ATG7: variants seen among roughly 807,000 people sequenced by gnomAD.
ATG7 encodes the protein autophagy related 7.
In ATG7, 70 loss-of-function variants were observed where a neutral mutation model predicts 82.4. The observed-to-expected ratio is 0.85, with a 90% CI of 0.70 to 1.04. ATG7 has a LOEUF of 1.04. Among genes scored for constraint, ATG7 ranks in the 50% least tolerant of loss-of-function variants. The pLI is 0.00. For synonymous variants in ATG7, 287 were observed against 313.0 expected (o/e 0.92, Z 0.88); for missense variants, 792 against 864.3 (o/e 0.92, Z 1.05).
intron 20 of ATG7, among the ~76,000 whole-genome samples, chr3:11,528,133 TTC>T (rs1196417376): frequency 6.6e-6 from 1 of 152,224 alleles, no homozygotes; most frequent in Non-Finnish European, 1.5e-5. Context: ...TGAAGTAAAG[TTC>T]TGTTTACTCT....
intron 20 of ATG7, among the ~76,000 whole-genome samples, chr3:11,527,123 G>T (rs1242935622): frequency 2.0e-5 from 3 of 147,874 alleles, no homozygotes; most frequent in African/African-American, 7.4e-5. Context: ...ACATTTTTTT[G>T]AGGTGGAGTC....
At chr3:11,440,044 G>A (rs2083735356) in intron 20 of ATG7, among the ~76,000 whole-genome samples, 1 of 152,160 alleles carries the variant, frequency 6.6e-6, no homozygotes, top group Non-Finnish European at 1.5e-5. Flanking sequence ...GTGATGCAGA[G>A]GCATTCTGCT....
chr3:11,523,378 A>C (rs1192960257), intron 20 of ATG7, among the ~76,000 whole-genome samples: 1 of 152,268 alleles, frequency 6.6e-6, no homozygotes, highest in Non-Finnish European at 1.5e-5. Context: ...CATACGGGGT[A>C]CATCTATCTG....
chr3:11,397,253 T>G (rs1228440188), intron 19 of ATG7, among the ~76,000 whole-genome samples: 1 of 152,130 alleles, frequency 6.6e-6, no homozygotes, highest in African/African-American at 2.4e-5. Flanking sequence ...AAAAATCAGT[T>G]GAAAATAAAC....
At chr3:11,564,720 T>C in the ATG7 span, 11 of 1,354,342 alleles carry the variant, frequency 8.1e-6, no homozygotes, top group Non-Finnish European at 1.1e-5. Flanking sequence ...CTCGGAGTCC[T>C]CTGCTCGGGG....
chr3:11,573,200 G>A, the ATG7 span, among the ~76,000 whole-genome samples: 1 of 148,506 alleles, frequency 6.7e-6, no homozygotes. Context: ...CAGAAAGAAA[G>A]AAAAGAAGAG....
chr3:11,529,335 G>A (rs781096923), intron 20 of ATG7, among the ~76,000 whole-genome samples: 3 of 152,180 alleles, frequency 2.0e-5, no homozygotes, highest in African/African-American at 4.8e-5. Flanking sequence ...TTTAGGAACC[G>A]TAACACAAGA....
At chr3:11,558,733 G>A, downstream of ATG7, 3 of 1,614,182 alleles carry the variant, frequency 1.9e-6, no homozygotes, top group Non-Finnish European at 1.7e-6. Flanking sequence ...AGCCCGTGAT[G>A]GACACGGAGT....
In ATG7 at chr3:11,433,315, A is replaced by T. The variant is rs868112867; in HGVS notation, c.2079+6389A>T. On this transcript the variant is annotated intron_variant, in intron 20 of 20. Transcript: ENST00000693202. Reference sequence around the variant, plus strand: ...AAAAAAAAAAAAAAAAAAAAAAAAAAGCTGCGTTTGTTGAAGAAATGCTCA... The same window carrying T: ...AAAAAAAAAAAAAAAAAAAAAAAAATGCTGCGTTTGTTGAAGAAATGCTCA... 5.1e-5 allele frequency among the ~76,000 whole-genome samples: 7 copies of T among 137,994 alleles called. No individual in the cohort carries two copies. The South Asian group carries it at 1.2e-3, about 24-fold the overall frequency. The allele number at this position is 137,994 out of a possible 152,430, so 90.5% of individuals were successfully genotyped here.
In ATG7 at chr3:11,471,745, CTTT is replaced by C. The variant is rs200590021; in HGVS notation, c.2079+44833_2079+44835del. On this transcript the variant is annotated intron_variant, in intron 20 of 20. Transcript: ENST00000693202. ...CTTCATAGATTGGCTTTTTAGATTT[CTTT>C]TTTTTTTTTTTTTGAAATGTAGTCT... Among the ~76,000 whole-genome samples, 685 of 105,686 alleles carry C rather than the reference CTTT, an allele frequency of 6.5e-3. 14 individuals are homozygous for C. The highest frequency in any genetic ancestry group is 0.024 in the African/African-American group (644 of 26,576). 69.3% of individuals were successfully genotyped at this position (105,686 alleles called of 152,430 possible).
chr3:11,375,658 C>T (rs1023635256), intron 18 of ATG7, among the ~76,000 whole-genome samples: 2 of 152,234 alleles, frequency 1.3e-5, no homozygotes. Context: ...CTTCCGGTTT[C>T]AAGCAATTCT....
intron 1 of ATG7, among the ~76,000 whole-genome samples, chr3:11,277,896 C>A (rs994358996): frequency 3.1e-5 from 4 of 128,212 alleles, no homozygotes; most frequent in East Asian, 2.7e-4. Flanking sequence ...TATAGACCCC[C>A]CCCCCCCCAC....
At chr3:11,512,733 A>G (rs907681738) in intron 20 of ATG7, among the ~76,000 whole-genome samples, 2 of 152,192 alleles carry the variant, frequency 1.3e-5, no homozygotes, top group African/African-American at 4.8e-5. Flanking sequence ...ATTTATTGCA[A>G]AGAGCTAAAG....
chr3:11,572,941 G>A, the ATG7 span, among the ~76,000 whole-genome samples: 1 of 152,056 alleles, frequency 6.6e-6, no homozygotes, highest in African/African-American at 2.4e-5. Flanking sequence ...GCCGAGACAG[G>A]TGGATCACCT....
chr3:11,358,513 A>T lies in ATG7; in HGVS notation c.1380A>T (p.Gln460His). The T allele has an allele frequency of 6.2e-7, 1 of 1,614,136 alleles. No homozygotes were observed. The change falls in exon 15 of 21, where the codon CAA becomes CAT. Residue 460 changes from glutamine to histidine, a missense_variant. Coordinates refer to ENST00000693202, the MANE Select transcript of ATG7 (RefSeq NM_001349232.2). ...AGCAAGCCCGCAGAGATGTGGAGCA[A>T]CTGGAGCAGCTCATCGAAAGCCATG... Reference protein sequence around the residue: ...TLEQARRDVEQLEQLIESHDV... With the variant: ...TLEQARRDVEHLEQLIESHDV...
rs1014640853 is a variant in ATG7 at position 11,427,223 on chromosome 3, C to G, written c.2079+297C>G. Reference sequence around the variant, plus strand: ...TTACTGAAGATCTGCATGTGTATGACCATTGGAGAGAGTTGGCTTTAATGT... The same window carrying G: ...TTACTGAAGATCTGCATGTGTATGAGCATTGGAGAGAGTTGGCTTTAATGT... On this transcript the variant is annotated intron_variant, in intron 20 of 20. Coordinates refer to ENST00000693202, the MANE Select transcript of ATG7 (RefSeq NM_001349232.2). Among the ~76,000 whole-genome samples, 3 of 152,096 alleles carry G rather than the reference C, an allele frequency of 2.0e-5. No individual in the cohort carries two copies. In the East Asian group the frequency reaches 5.8e-4, roughly 29 times the overall value.
intron 20 of ATG7, among the ~76,000 whole-genome samples, chr3:11,480,968 A>T (rs1201247436): frequency 1.3e-5 from 2 of 152,256 alleles, no homozygotes; most frequent in African/African-American, 4.8e-5. Context: ...CCAGGAGTGT[A>T]AACAAGTCAT....
intron 20 of ATG7, among the ~76,000 whole-genome samples, chr3:11,554,558 G>A (rs113957105): frequency 2.6e-5 from 4 of 152,342 alleles, no homozygotes; most frequent in African/African-American, 9.6e-5. Context: ...TGCAGGAGGT[G>A]AGCAGAGGCA....
intron 1 of ATG7, among the ~76,000 whole-genome samples, chr3:11,276,163 C>T (rs1941746291): frequency 6.6e-6 from 1 of 152,132 alleles, no homozygotes; most frequent in South Asian, 2.1e-4. Context: ...CCTCAACCTC[C>T]TACCTTGACT....
Sources: allele counts gnomAD v4.1 joint callset (sites outside exome capture counted in the v4.1 genomes callset), GRCh38; gene constraint gnomAD v4.1.1; transcripts MANE v1.5; gene names NCBI Gene and HGNC (gene_info 2026-07-23, HGNC 2026-07-21).